The following IL1RAPL1 variants were observed in gnomAD, a reference collection of about 807,000 sequenced individuals.
The protein encoded by IL1RAPL1 is interleukin 1 receptor accessory protein like 1.
Under a neutral mutation model 48.4 loss-of-function variants are expected in IL1RAPL1, and 3 were observed. The ratio of observed to expected loss-of-function variants is 0.06; its 90% CI spans 0.03 to 0.16. IL1RAPL1 has a LOEUF of 0.16. Among genes scored for constraint, IL1RAPL1 ranks in the 10% least tolerant of loss-of-function variants. IL1RAPL1 has a pLI of 1.00. For synonymous variants in IL1RAPL1, 185 were observed against 187.7 expected, an observed-to-expected ratio of 0.99 and a Z score of 0.12; for missense variants, 349 against 530.6, an observed-to-expected ratio of 0.66 and a Z score of 3.36.
At chrX:29,534,894 G>A (rs1336725332) in intron 5 of IL1RAPL1, among the ~76,000 whole-genome samples, 2 of 108,622 alleles carry the variant, frequency 1.8e-5, no homozygotes, top group Non-Finnish European at 3.8e-5. Context: ...GCGTGAACCC[G>A]GGAGGCGGAG....
intron 3 of IL1RAPL1, among the ~76,000 whole-genome samples, chrX:29,336,565 A>G (rs766851187): frequency 9.1e-6 from 1 of 110,348 alleles, no homozygotes; most frequent in South Asian, 3.8e-4. Context: ...AAAAGACGTT[A>G]ATAAGATAAA....
chrX:28,951,308 C>G (rs1924458766), intron 2 of IL1RAPL1, among the ~76,000 whole-genome samples: 1 of 108,808 alleles, frequency 9.2e-6, no homozygotes, highest in Non-Finnish European at 1.9e-5. Context: ...GAAGGGAATT[C>G]TCACCAAAAT....
At chrX:28,949,188 A>G (rs1034537473) in intron 2 of IL1RAPL1, among the ~76,000 whole-genome samples, 2 of 111,337 alleles carry the variant, frequency 1.8e-5, no homozygotes, top group Non-Finnish European at 3.8e-5. Context: ...ACTTTATTTC[A>G]GCTATATTTT....
intron 2 of IL1RAPL1, among the ~76,000 whole-genome samples, chrX:29,269,880 C>T (rs1475959402): frequency 1.8e-5 from 2 of 111,143 alleles, no homozygotes; most frequent in African/African-American, 3.3e-5. Context: ...TGTGAACATA[C>T]CCATCACACT....
chrX:28,938,620 A>G (rs1043021092), intron 2 of IL1RAPL1, among the ~76,000 whole-genome samples: 2 of 111,499 alleles, frequency 1.8e-5, no homozygotes, highest in African/African-American at 3.2e-5. Context: ...AGGCAAATAT[A>G]TATTTCATGA....
At chrX:29,350,262 C>A (rs1002806918) in intron 3 of IL1RAPL1, among the ~76,000 whole-genome samples, 12 of 83,157 alleles carry the variant, frequency 1.4e-4, no homozygotes, top group African/African-American at 1.7e-4. Flanking sequence ...ACCCCCCCCC[C>A]CACCTGGCTC....
At chrX:29,711,629 G>A (rs1927357571) in intron 6 of IL1RAPL1, among the ~76,000 whole-genome samples, 1 of 111,444 alleles carries the variant, frequency 9.0e-6, no homozygotes, top group African/African-American at 3.3e-5. Context: ...TTTAAACAGA[G>A]GTATGGGTGT....
intron 6 of IL1RAPL1, among the ~76,000 whole-genome samples, chrX:29,730,160 C>T (rs962498740): frequency 8.9e-6 from 1 of 111,990 alleles, no homozygotes; most frequent in Non-Finnish European, 1.9e-5. Flanking sequence ...TGGGCCAAAC[C>T]TATCACATGT....
At chrX:29,594,377 C>T (rs1225018977) in intron 5 of IL1RAPL1, among the ~76,000 whole-genome samples, 1 of 110,969 alleles carries the variant, frequency 9.0e-6, no homozygotes, top group East Asian at 2.8e-4. Context: ...TTTCTTAGTT[C>T]CATGTGGTAA....
At chrX:29,653,502 A>G (rs1925577165) in intron 5 of IL1RAPL1, among the ~76,000 whole-genome samples, 1 of 111,989 alleles carries the variant, frequency 8.9e-6, no homozygotes, top group African/African-American at 3.2e-5. Flanking sequence ...AGCAAAAGTA[A>G]TATAAGAATA....
At chrX:28,896,115 G>A (rs1922911595) in intron 2 of IL1RAPL1, among the ~76,000 whole-genome samples, 1 of 112,170 alleles carries the variant, frequency 8.9e-6, no homozygotes, top group Non-Finnish European at 1.9e-5. Flanking sequence ...GGCATTTGGA[G>A]TTCTTCTGTG....
chrX:29,831,146 C>T (rs1466909872), intron 6 of IL1RAPL1, among the ~76,000 whole-genome samples: 4 of 111,729 alleles, frequency 3.6e-5, no homozygotes, highest in African/African-American at 1.3e-4. Context: ...TGGCAAAACA[C>T]CGTTTACCAA....
chrX:28,812,045 C>G (rs1171705244), intron 2 of IL1RAPL1, among the ~76,000 whole-genome samples: 1 of 110,593 alleles, frequency 9.0e-6, no homozygotes, highest in East Asian at 2.8e-4. Context: ...AGAAACCGAC[C>G]TTTGTGCATT....
At chrX:29,393,398 G>T (rs1240658105) in intron 3 of IL1RAPL1, among the ~76,000 whole-genome samples, 1 of 112,073 alleles carries the variant, frequency 8.9e-6, no homozygotes, top group East Asian at 2.8e-4. Flanking sequence ...TGGGATTACA[G>T]GCTTGAGCCA....
chrX:29,087,238 A>G (rs1345883940), intron 2 of IL1RAPL1, among the ~76,000 whole-genome samples: 1 of 107,180 alleles, frequency 9.3e-6, no homozygotes, highest in Non-Finnish European at 1.9e-5. Flanking sequence ...CCTGGGTTCA[A>G]GCGATTTTCC....
intron 2 of IL1RAPL1, among the ~76,000 whole-genome samples, chrX:29,240,238 T>A (rs1931396404): frequency 1.5e-5 from 1 of 67,619 alleles, no homozygotes; most frequent in Non-Finnish European, 2.6e-5. Context: ...TTTTTTTTTT[T>A]TTTTTTTTTT....
At chrX:28,693,123 A>G (rs1935197213) in intron 1 of IL1RAPL1, among the ~76,000 whole-genome samples, 1 of 112,278 alleles carries the variant, frequency 8.9e-6, no homozygotes, top group East Asian at 2.8e-4. Flanking sequence ...TTCCACTGGA[A>G]TACCTTGATC....
chrX:29,240,202 ATATATATATATATATATATATATTTT>A (rs1931384083), intron 2 of IL1RAPL1, among the ~76,000 whole-genome samples: 1 of 14,377 alleles, frequency 7.0e-5, no homozygotes, highest in African/African-American at 3.3e-4. Flanking sequence ...ACACATATAT[ATATATATATATATATATATATATTTT>A]TTTTTTTTTT....
At position 29,161,333 on chromosome X, in the gene IL1RAPL1, A is replaced by G. The variant is rs188067684; in HGVS notation, c.83-121605A>G. ...TCTAAGGGCATACTTAATTACTGAAATAGTGTATTCAAAATAGGTATCATA... is the reference window on the plus strand; with the variant it reads ...TCTAAGGGCATACTTAATTACTGAAGTAGTGTATTCAAAATAGGTATCATA... On this transcript the variant is annotated intron_variant, in intron 2 of 10. Transcript: ENST00000378993. Among the ~76,000 whole-genome samples the G allele has an allele frequency of 2.3e-3, 258 of 111,907 alleles. 2 individuals are homozygous for G. Among genetic ancestry groups the G allele is most frequent in the African/African-American group, 8.2e-3 (254 of 30,851 alleles).
Sources: gnomAD v4.1 joint callset for allele counts (sites outside exome capture counted in the v4.1 genomes callset) on GRCh38, gnomAD v4.1.1 for gene constraint, MANE v1.5 for transcripts, NCBI Gene and HGNC (gene_info 2026-07-23, HGNC 2026-07-21) for gene names.